Variants in CYP7B1 observed in about 807,000 individuals in gnomAD.
CYP7B1 encodes cytochrome P450 family 7 subfamily B member 1.
Under a neutral mutation model 42.7 loss-of-function variants are expected in CYP7B1, and 29 were observed. That is an observed-to-expected ratio of 0.68 (90% CI 0.51 to 0.93). The LOEUF (loss-of-function observed/expected upper bound fraction) is 0.93. CYP7B1 is among the 40% of genes least tolerant of loss of function. The probability of loss-of-function intolerance (pLI) is 0.00; values close to 1 mark genes in which losing one functional copy is unlikely to be tolerated. For missense variants in CYP7B1, 655 were observed against 600.5 expected (o/e 1.09, Z -0.95); for synonymous variants, 235 against 218.2 (o/e 1.08, Z -0.68).
chr8:64,788,918 C>T (rs879848035), intron 1 of CYP7B1, among the ~76,000 whole-genome samples: 17 of 152,006 alleles, frequency 1.1e-4, no homozygotes, highest in African/African-American at 3.4e-4. Flanking sequence ...TTTTGTACTT[C>T]GCACTCTTTT....
intron 2 of CYP7B1, 145 bp from the exon 3 acceptor site, chr8:64,616,426 G>A (rs765247250): frequency 1.5e-4 from 98 of 644,312 alleles, no homozygotes; most frequent in Middle Eastern, 4.2e-4. Context: ...CATTTCATTC[G>A]AAGGTACACT....
intron 4 of CYP7B1, among the ~76,000 whole-genome samples, chr8:64,614,101 A>G (rs1805399503): frequency 6.6e-6 from 1 of 152,198 alleles, no homozygotes; most frequent in Admixed American, 6.5e-5. Context: ...TGAAATGTCA[A>G]TACAGAGAGA....
chr8:64,757,250 T>C (rs941578175), intron 1 of CYP7B1, among the ~76,000 whole-genome samples: 5 of 152,158 alleles, frequency 3.3e-5, no homozygotes, highest in African/African-American at 4.8e-5. Context: ...ACACTCAGTT[T>C]CCTCTGTGCA....
At chr8:64,675,483 T>C (rs114691395) in intron 1 of CYP7B1, among the ~76,000 whole-genome samples, 5,186 of 150,958 alleles carry the variant, frequency 0.034, 271 homozygotes, top group African/African-American at 0.12. Context: ...TTATTTTATA[T>C]TACTTATTAA....
intron 1 of CYP7B1, among the ~76,000 whole-genome samples, chr8:64,671,020 GT>G (rs2129631687): frequency 6.6e-6 from 1 of 152,176 alleles, no homozygotes; most frequent in African/African-American, 2.4e-5. Flanking sequence ...AGCTTGTAAG[GT>G]CTATGTAATA....
intron 1 of CYP7B1, among the ~76,000 whole-genome samples, chr8:64,779,907 A>G (rs766564877): frequency 3.5e-4 from 53 of 152,158 alleles, no homozygotes; most frequent in Non-Finnish European, 5.9e-5. Flanking sequence ...GCACAGTTAT[A>G]CAAATCCAGT....
At chr8:64,678,780 G>A (rs1806489428) in intron 1 of CYP7B1, among the ~76,000 whole-genome samples, 1 of 152,084 alleles carries the variant, frequency 6.6e-6, no homozygotes, top group Non-Finnish European at 1.5e-5. Flanking sequence ...TTTCAGATGG[G>A]ATCCTATCCA....
chr8:64,648,924 T>C (rs1462948814), intron 1 of CYP7B1, among the ~76,000 whole-genome samples: 1 of 152,240 alleles, frequency 6.6e-6, no homozygotes, highest in Non-Finnish European at 1.5e-5. Flanking sequence ...TGTCATAGCC[T>C]ATAAGAATTA....
chr8:64,627,325 C>A (rs1372332609), intron 1 of CYP7B1, among the ~76,000 whole-genome samples: 1 of 152,164 alleles, frequency 6.6e-6, no homozygotes, highest in East Asian at 1.9e-4. Context: ...CAAGAGGAGA[C>A]CACGCATGTA....
chr8:64,788,632 T>C (rs1290470312), intron 1 of CYP7B1, among the ~76,000 whole-genome samples: 1 of 152,214 alleles, frequency 6.6e-6, no homozygotes, highest in Non-Finnish European at 1.5e-5. Context: ...GACCCTGAAC[T>C]GGAATAATTG....
intron 1 of CYP7B1, among the ~76,000 whole-genome samples, chr8:64,688,364 TTTCC>T (rs1806687688): frequency 6.6e-6 from 1 of 152,158 alleles, no homozygotes; most frequent in African/African-American, 2.4e-5. Context: ...TTCTTCCTTC[TTTCC>T]TTCCTTCCTC....
rs572974009 is a variant in CYP7B1 at position 64,795,289 on chromosome 8, CG to C, written c.122+3176del. 1.2e-4 allele frequency among the ~76,000 whole-genome samples: 18 copies of C among 152,340 alleles called. No homozygotes were observed. In the South Asian group the frequency reaches 3.7e-3, roughly 32 times the overall value. ...GAATGAGCAAAACTGACTCAGAACT[CG>C]GGTAGGAACTGACTAGAAAGGAGTG... On this transcript the variant is annotated intron_variant, in intron 1 of 5. Coordinates refer to ENST00000310193, the MANE Select transcript of CYP7B1 (RefSeq NM_004820.5).
chr8:64,793,783 A>G (rs546411833), intron 1 of CYP7B1, among the ~76,000 whole-genome samples: 2 of 152,172 alleles, frequency 1.3e-5, no homozygotes, highest in East Asian at 3.9e-4. Context: ...AAAAGAATAC[A>G]TATTTATTGA....
intron 1 of CYP7B1, among the ~76,000 whole-genome samples, chr8:64,742,975 T>C (rs1278183525): frequency 2.6e-5 from 4 of 152,188 alleles, no homozygotes. Context: ...TATGTTTATT[T>C]ACAAATTTTG....
intron 1 of CYP7B1, among the ~76,000 whole-genome samples, chr8:64,783,262 C>A (rs1585912476): frequency 6.6e-6 from 1 of 152,092 alleles, no homozygotes; most frequent in African/African-American, 2.4e-5. Context: ...GGATCTAGAG[C>A]ACGAAGGATC....
chr8:64,740,518 C>T (rs930443357), intron 1 of CYP7B1, among the ~76,000 whole-genome samples: 4 of 149,336 alleles, frequency 2.7e-5, no homozygotes, highest in African/African-American at 9.9e-5. Context: ...AATAAAATTA[C>T]AATTAGGAAA....
chr8:64,697,611 G>A (rs932625819), intron 1 of CYP7B1, among the ~76,000 whole-genome samples: 2 of 152,180 alleles, frequency 1.3e-5, no homozygotes, highest in African/African-American at 4.8e-5. Flanking sequence ...AGCGCATGGG[G>A]CTGTTTTTGT....
At chr8:64,785,596 C>T (rs1364429679) in intron 1 of CYP7B1, among the ~76,000 whole-genome samples, 4 of 151,666 alleles carry the variant, frequency 2.6e-5, no homozygotes, top group Admixed American at 6.6e-5. Context: ...GTGAAATAAG[C>T]CAATGTGAAA....
chr8:64,738,365 A>G (rs1469056122), intron 1 of CYP7B1, among the ~76,000 whole-genome samples: 2 of 152,074 alleles, frequency 1.3e-5, no homozygotes, highest in African/African-American at 4.8e-5. Context: ...TAAGAAAGAA[A>G]AAAAAATCTT....
Sources: gnomAD v4.1 joint callset for allele counts (sites outside exome capture counted in the v4.1 genomes callset) on GRCh38, gnomAD v4.1.1 for gene constraint, MANE v1.5 for transcripts, NCBI Gene and HGNC (gene_info 2026-07-23, HGNC 2026-07-21) for gene names.